The following TRIP13 variants were observed in gnomAD, a reference collection of about 807,000 sequenced individuals.
TRIP13 encodes pachytene checkpoint protein 2 homolog.
A neutral mutation model predicts 54.4 loss-of-function variants in TRIP13; 25 were observed. The ratio of observed to expected loss-of-function variants is 0.46; its 90% CI spans 0.33 to 0.64. TRIP13 has a LOEUF of 0.64. Ranked by LOEUF, TRIP13 falls within the 30% of genes least tolerant of loss-of-function variation. The pLI, the probability that TRIP13 is intolerant of heterozygous loss-of-function variation, is 0.02. For missense variants in TRIP13, 373 were observed against 534.2 expected (o/e 0.70, Z 2.97); for synonymous variants, 207 against 207.8 (o/e 1.00, Z 0.03).
In TRIP13 at chr5:913,325, T is replaced by C. The variant is rs996188236; in HGVS notation, c.1021-1140T>C. On this transcript the variant is annotated intron_variant, in intron 10 of 12. Coordinates refer to ENST00000166345, the MANE Select transcript of TRIP13 (RefSeq NM_004237.4). The surrounding 1 kb of genome is among the most constrained non-coding windows in gnomAD (Gnocchi z 4.5). ...GTGTTAGCTAAGAGGGATGGACTTTTTCTGGGACAGTGTAGGACAGGGGTA... is the reference window on the plus strand; with the variant it reads ...GTGTTAGCTAAGAGGGATGGACTTTCTCTGGGACAGTGTAGGACAGGGGTA... Among the ~76,000 whole-genome samples, 1 of 152,156 alleles carries C rather than the reference T, an allele frequency of 6.6e-6. No homozygotes were observed. The highest frequency in any genetic ancestry group is 6.5e-5 in the Admixed American group (1 of 15,274).
Position 917,649 on chromosome 5 carries a change from C to A in TRIP13, c.*546C>A, listed in dbSNP as rs543578521. ...TAAAAAAGCCTATTTCTACATTATACCAACTGAGAAAAAAATGGTCGGTAA... is the reference window on the plus strand; with the variant it reads ...TAAAAAAGCCTATTTCTACATTATAACAACTGAGAAAAAAATGGTCGGTAA... On this transcript the variant is annotated 3_prime_UTR_variant, in exon 13 of 13. Coordinates refer to ENST00000166345, the MANE Select transcript of TRIP13 (RefSeq NM_004237.4). The A allele has an allele frequency of 2.0e-4, 31 of 152,326 alleles. No homozygotes were observed. The South Asian group carries it at 6.2e-3, about 31-fold the overall frequency. The allele number at this position is 152,326 out of a possible 1,614,324, so 9.4% of individuals were successfully genotyped here. A position where few individuals can be genotyped will look rare whatever the true frequency, so the allele number is the denominator to read the frequency against.
chr5:894,814 G>A lies in TRIP13; in HGVS notation c.120G>A (p.Leu40=). The stretch of plus-strand genomic sequence containing the variant: ...CTGCAAAGAAAGAAGACATAAACCT[G>A]AGTGTTAGAAAGCTACTCAACAGAC... ...SSTAKKEDIN[L]SVRKLLNRHN... Residue 40 remains leucine, a synonymous_variant, in exon 2 of 13, where the codon CTG becomes CTA. Coordinates refer to ENST00000166345, the MANE Select transcript of TRIP13 (RefSeq NM_004237.4). 4 of 1,610,582 alleles carry A rather than the reference G, an allele frequency of 2.5e-6. No homozygotes were observed. Among genetic ancestry groups the A allele is most frequent in the Non-Finnish European group, 3.4e-6 (4 of 1,178,770 alleles).
chr5:900,800 A>G (rs927019762), intron 4 of TRIP13, among the ~76,000 whole-genome samples: 7 of 152,106 alleles, frequency 4.6e-5, no homozygotes, highest in African/African-American at 1.2e-4. Flanking sequence ...CCCTCTGGAG[A>G]TGGGAGGAGG....
intron 9 of TRIP13, among the ~76,000 whole-genome samples, chr5:909,131 G>T (rs545703716): frequency 1.3e-5 from 2 of 152,160 alleles, no homozygotes; most frequent in African/African-American, 2.4e-5. Flanking sequence ...TCCCCTGCTC[G>T]CCCTGCTGGC....
chr5:907,229 G>T lies in TRIP13; in HGVS notation c.672+36G>T. On this transcript the variant is annotated intron_variant, in intron 7 of 12. Transcript: ENST00000166345. The surrounding 1 kb of genome is among the most constrained non-coding windows in gnomAD (Gnocchi z 4.1). Reference sequence around the variant, plus strand: ...AATATTAATTCTAATTGTCTGGATTGTATAGCTGAAAAAATGTCTTGTATG... The same window carrying T: ...AATATTAATTCTAATTGTCTGGATTTTATAGCTGAAAAAATGTCTTGTATG... 1 of 1,567,980 alleles carries T rather than the reference G, an allele frequency of 6.4e-7. No individual in the cohort carries two copies. Among genetic ancestry groups the T allele is most frequent in the East Asian group, 2.2e-5 (1 of 44,604 alleles).
chr5:907,404 C>G lies in TRIP13; in HGVS notation c.672+211C>G, dbSNP rs1181160120. Among the ~76,000 whole-genome samples the G allele has an allele frequency of 6.6e-6, 1 of 152,208 alleles. No individual in the cohort carries two copies. The highest frequency in any genetic ancestry group is 2.4e-5 in the African/African-American group (1 of 41,436). ...TCCCCAGACCTGTGACTGGGTGGGA[C>G]AGGACAATCGATGGACTCTCAGAAG... On this transcript the variant is annotated intron_variant, in intron 7 of 12. Transcript: ENST00000166345. This position sits in a 1 kb window ranked among gnomAD's most constrained non-coding sequence, Gnocchi z 4.1.
At chr5:896,215 G>A (rs1020654481) in intron 2 of TRIP13, among the ~76,000 whole-genome samples, 3 of 152,206 alleles carry the variant, frequency 2.0e-5, no homozygotes, top group South Asian at 4.1e-4. Context: ...CAGAAGGCTG[G>A]AGGTGGGAGG....
intron 12 of TRIP13, 96 bp from the exon 13 acceptor site, chr5:916,912 C>A: frequency 9.7e-7 from 1 of 1,036,002 alleles, no homozygotes; most frequent in Non-Finnish European, 1.4e-6. Flanking sequence ...CCCTTCTGTG[C>A]TATCTGCACT....
At chr5:894,698 T>C (rs956128749) in intron 1 of TRIP13, 89 bp from the exon 2 acceptor site, 3 of 1,435,664 alleles carry the variant, frequency 2.1e-6, no homozygotes, top group Non-Finnish European at 2.8e-6. Flanking sequence ...GGCTTTCTTA[T>C]GTATTGTCTG....
chr5:900,310 A>G (rs1753955159), intron 3 of TRIP13, among the ~76,000 whole-genome samples, 184 bp from the exon 4 acceptor site: 1 of 152,154 alleles, frequency 6.6e-6, no homozygotes. Flanking sequence ...TGCATCTTTG[A>G]TTTTAATAAA....
At chr5:910,526 C>A (rs752616576) in intron 9 of TRIP13, among the ~76,000 whole-genome samples, 1 of 152,150 alleles carries the variant, frequency 6.6e-6, no homozygotes, top group Non-Finnish European at 1.5e-5. Context: ...GGATTCCACA[C>A]GACGCTGATG....
chr5:906,963 A>T (rs530494354), intron 6 of TRIP13, among the ~76,000 whole-genome samples, 167 bp from the exon 7 acceptor site: 1 of 152,300 alleles, frequency 6.6e-6, no homozygotes, highest in African/African-American at 2.4e-5. Flanking sequence ...AGACTTTTTC[A>T]TAATTATTTA....
chr5:907,746 C>T lies in TRIP13; in HGVS notation c.673-242C>T, dbSNP rs1032969430. Among the ~76,000 whole-genome samples, 8 of 152,356 alleles carry T rather than the reference C, an allele frequency of 5.3e-5. No homozygotes were observed. The highest frequency in any genetic ancestry group is 3.9e-4 in the East Asian group (2 of 5,182). On this transcript the variant is annotated intron_variant, in intron 7 of 12. Coordinates refer to ENST00000166345, the MANE Select transcript of TRIP13 (RefSeq NM_004237.4). The surrounding 1 kb of genome is among the most constrained non-coding windows in gnomAD (Gnocchi z 4.1). The stretch of plus-strand genomic sequence containing the variant: ...ACAGGTCACCCTCACTGTGCCGCCC[C>T]GGGCAGGTCAGGTGTGGTCTCAGGT...
chr5:893,057 C>A lies in TRIP13; in HGVS notation c.59C>A (p.Thr20Lys), dbSNP rs369798844. 4 of 1,598,022 alleles carry A rather than the reference C, an allele frequency of 2.5e-6. No homozygotes were observed. The highest frequency in any genetic ancestry group is 2.5e-6 in the Non-Finnish European group (3 of 1,176,536). The change falls in exon 1 of 13, where the codon ACG becomes AAG. Residue 20 changes from threonine to lysine, a missense_variant. Around this residue, in one of 4 missense-constraint regions of TRIP13, gnomAD observed 151 missense variants for 151.9 expected, o/e 0.99. Coordinates refer to ENST00000166345, the MANE Select transcript of TRIP13 (RefSeq NM_004237.4). ...QALPCVAESP[T>K]VHVEVHQRGS... Reference sequence around the variant, plus strand: ...CTTCCCTGTGTGGCCGAGTCGCCAACGGTCCACGTGGAGGTGCATCAGCGC... The same window carrying A: ...CTTCCCTGTGTGGCCGAGTCGCCAAAGGTCCACGTGGAGGTGCATCAGCGC...
Position 911,822 on chromosome 5 carries a change from C to T in TRIP13, c.867-21C>T, listed in dbSNP as rs1442053306. Reference sequence around the variant, plus strand: ...ACCGACAGCCGTGATGACTGTGGTGCTTGCTTCTCGGCCACAACAGGCATT... The same window carrying T: ...ACCGACAGCCGTGATGACTGTGGTGTTTGCTTCTCGGCCACAACAGGCATT... On this transcript the variant is annotated intron_variant, in intron 9 of 12. Coordinates refer to ENST00000166345, the MANE Select transcript of TRIP13 (RefSeq NM_004237.4). The surrounding 1 kb of genome is among the most constrained non-coding windows in gnomAD (Gnocchi z 4.7). 6.2e-7 allele frequency: 1 copy of T among 1,601,774 alleles called. No individual in the cohort carries two copies.
chr5:894,455 G>C (rs1337455356), intron 1 of TRIP13, among the ~76,000 whole-genome samples: 2 of 152,216 alleles, frequency 1.3e-5, no homozygotes, highest in Non-Finnish European at 2.9e-5. Context: ...AATAGTGAAA[G>C]CCAACATTAT....
intron 6 of TRIP13, 135 bp downstream of exon 6, chr5:904,355 T>G: frequency 1.4e-6 from 1 of 694,034 alleles, no homozygotes; most frequent in Non-Finnish European, 2.3e-6. Flanking sequence ...TTCCTCTGTA[T>G]TCAGCATAGT....
intron 4 of TRIP13, among the ~76,000 whole-genome samples, chr5:900,796 G>A (rs1388071639): frequency 1.3e-5 from 2 of 152,184 alleles, no homozygotes; most frequent in African/African-American, 4.8e-5. Context: ...TAAACCCTCT[G>A]GAGATGGGAG....
chr5:902,749 G>A (rs1466388097), intron 5 of TRIP13, among the ~76,000 whole-genome samples: 5 of 152,080 alleles, frequency 3.3e-5, no homozygotes, highest in Middle Eastern at 3.2e-3. Context: ...GCCAGGCTGC[G>A]CTGATATATA....
Sources: gnomAD v4.1 joint callset for allele counts (sites outside exome capture counted in the v4.1 genomes callset) on GRCh38, gnomAD v4.1.1 for gene constraint, gnomAD v4.1.1 regional missense constraint, Gnocchi (gnomAD v3.1) non-coding constraint, MANE v1.5 for transcripts, NCBI Gene and HGNC (gene_info 2026-07-23, HGNC 2026-07-21) for gene names.